Variants in MYO1D observed in about 807,000 individuals in gnomAD.
MYO1D encodes the protein myosin ID, also known as unconventional myosin-Id.
In MYO1D, 83 loss-of-function variants were observed where a neutral mutation model predicts 122.0. The observed-to-expected ratio is 0.68, with a 90% CI of 0.57 to 0.82. The LOEUF (loss-of-function observed/expected upper bound fraction) is 0.82. Ranked by LOEUF, MYO1D falls within the 40% of genes least tolerant of loss-of-function variation. The probability of loss-of-function intolerance (pLI) is 0.00; values close to 1 mark genes in which losing one functional copy is unlikely to be tolerated. For missense variants in MYO1D, 1,157 were observed against 1,269.5 expected (o/e 0.91, Z 1.35); for synonymous variants, 464 against 446.9 (o/e 1.04, Z -0.48).
chr17:32,788,649 C>G (rs2090321692), intron 1 of MYO1D, among the ~76,000 whole-genome samples: 1 of 152,162 alleles, frequency 6.6e-6, no homozygotes, highest in African/African-American at 2.4e-5. Flanking sequence ...GTTTTGGTAA[C>G]TATAGCCTTA....
chr17:32,554,008 T>C (rs1037133403), intron 21 of MYO1D, among the ~76,000 whole-genome samples: 5 of 152,204 alleles, frequency 3.3e-5, no homozygotes, highest in Admixed American at 2.0e-4. Context: ...CTGCCTCCCA[T>C]AGTTGTTATG....
At chr17:32,543,400 C>A (rs985927120) in intron 21 of MYO1D, among the ~76,000 whole-genome samples, 1 of 150,628 alleles carries the variant, frequency 6.6e-6, no homozygotes, top group Non-Finnish European at 1.5e-5. Flanking sequence ...CACGGTGAAA[C>A]CCTGTCTCTA....
At chr17:32,661,481 T>C (rs903786586) in intron 16 of MYO1D, among the ~76,000 whole-genome samples, 4 of 152,064 alleles carry the variant, frequency 2.6e-5, no homozygotes, top group Admixed American at 2.6e-4. Flanking sequence ...GGTGAAACCC[T>C]GTCTCCATCA....
At chr17:32,734,243 CTTTT>C (rs199779621) in intron 14 of MYO1D, among the ~76,000 whole-genome samples, 1 of 151,414 alleles carries the variant, frequency 6.6e-6, no homozygotes, top group Non-Finnish European at 1.5e-5. Context: ...ATTTTGATAA[CTTTT>C]TTTTTCTAGA....
At chr17:32,790,684 T>C (rs546423824) in intron 1 of MYO1D, among the ~76,000 whole-genome samples, 1 of 152,358 alleles carries the variant, frequency 6.6e-6, no homozygotes, top group African/African-American at 2.4e-5. Flanking sequence ...GACAGACTTT[T>C]CATTGCTGGA....
chr17:32,526,143 T>C (rs536201698), intron 21 of MYO1D, among the ~76,000 whole-genome samples: 1 of 151,670 alleles, frequency 6.6e-6, no homozygotes, highest in South Asian at 2.1e-4. Context: ...CTTAACACAT[T>C]GCATTGTAAT....
At chr17:32,639,819 CCCT>C (rs1333308509) in intron 19 of MYO1D, among the ~76,000 whole-genome samples, 1 of 152,058 alleles carries the variant, frequency 6.6e-6, no homozygotes, top group African/African-American at 2.4e-5. Flanking sequence ...ACTTAAAAAG[CCCT>C]CCTCAACTAG....
intron 16 of MYO1D, among the ~76,000 whole-genome samples, chr17:32,687,407 C>T (rs552537523): frequency 6.6e-6 from 1 of 152,284 alleles, no homozygotes; most frequent in East Asian, 1.9e-4. Flanking sequence ...CCATGTTAGC[C>T]AGGATGGTCT....
chr17:32,574,284 C>T (rs1419619961), intron 21 of MYO1D, among the ~76,000 whole-genome samples: 1 of 151,848 alleles, frequency 6.6e-6, no homozygotes, highest in Non-Finnish European at 1.5e-5. Context: ...AGAGAATTCA[C>T]ATACATGTGC....
chr17:32,538,473 T>TA (rs1567881660), intron 21 of MYO1D, among the ~76,000 whole-genome samples: 6 of 151,116 alleles, frequency 4.0e-5, no homozygotes, highest in East Asian at 3.9e-4. Context: ...ATTATTATTT[T>TA]TTTTTTTGTA....
chr17:32,698,156 T>A (rs2150978648), intron 16 of MYO1D, among the ~76,000 whole-genome samples: 1 of 152,316 alleles, frequency 6.6e-6, no homozygotes, highest in Non-Finnish European at 1.5e-5. Context: ...CTTAGTTAAA[T>A]AACCAGAATA....
intron 1 of MYO1D, among the ~76,000 whole-genome samples, chr17:32,784,022 TAAC>T (rs2090267046): frequency 6.6e-6 from 1 of 152,158 alleles, no homozygotes; most frequent in Non-Finnish European, 1.5e-5. Context: ...TGTACATAAA[TAAC>T]AACAATATAG....
rs116469384 is a variant in MYO1D, at chr17:32,720,680, A to C, written c.1913+343T>G. ...TATTTTACTTATTTCACAGATGCAA[A>C]AACAGGGTCATAGAAGTTAAATTTC... On this transcript the variant is annotated intron_variant, in intron 15 of 21. Coordinates refer to ENST00000318217, the MANE Select transcript of MYO1D (RefSeq NM_015194.3). Among the ~76,000 whole-genome samples, 556 of 152,272 alleles carry C rather than the reference A, an allele frequency of 3.7e-3. 3 individuals carry two copies. Among genetic ancestry groups the C allele is most frequent in the African/African-American group, 0.012 (519 of 41,562 alleles).
rs1003773904 is a variant in MYO1D, at chr17:32,845,045, GA to G, written c.95+31732del. Among the ~76,000 whole-genome samples the G allele has an allele frequency of 2.2e-3, 314 of 139,650 alleles. 1 individual carries two copies. Among genetic ancestry groups the G allele is most frequent in the Middle Eastern group, 0.015 (4 of 270 alleles). 91.6% of individuals were successfully genotyped at this position (139,650 alleles called of 152,430 possible). A position where few individuals can be genotyped will look rare whatever the true frequency, so the allele number is the denominator to read the frequency against. ...CTAAAAAGTTACACACATACCAAAG[GA>G]AAAAAAAAAAATCTGGAAGGCTACA... is the stretch of plus-strand genomic sequence containing the variant. On this transcript the variant is annotated intron_variant, in intron 1 of 21. Coordinates refer to ENST00000318217, the MANE Select transcript of MYO1D (RefSeq NM_015194.3).
chr17:32,798,286 G>A (rs2090434806), intron 1 of MYO1D, among the ~76,000 whole-genome samples: 2 of 152,174 alleles, frequency 1.3e-5, no homozygotes, highest in South Asian at 4.1e-4. Context: ...GCTCTCCTTG[G>A]CTTTCCTCGT....
At chr17:32,582,342 A>G (rs921791550) in intron 21 of MYO1D, among the ~76,000 whole-genome samples, 1 of 152,254 alleles carries the variant, frequency 6.6e-6, no homozygotes, top group African/African-American at 2.4e-5. Flanking sequence ...GCAGCATTAC[A>G]TGAATTTTGA....
chr17:32,574,772 T>C (rs749548069), intron 21 of MYO1D, among the ~76,000 whole-genome samples: 9 of 152,334 alleles, frequency 5.9e-5, no homozygotes, highest in Admixed American at 1.3e-4. Flanking sequence ...AGCATATCCC[T>C]GGTGAGCTGT....
chr17:32,647,858 C>T (rs1304436322), intron 19 of MYO1D, among the ~76,000 whole-genome samples: 1 of 152,006 alleles, frequency 6.6e-6, no homozygotes, highest in East Asian at 1.9e-4. Flanking sequence ...GCAGTCTTTC[C>T]TTGATGACAT....
chr17:32,556,467 C>A (rs1282843750), intron 21 of MYO1D, among the ~76,000 whole-genome samples: 4 of 151,970 alleles, frequency 2.6e-5, no homozygotes, highest in African/African-American at 9.7e-5. Flanking sequence ...ACAGGTCACA[C>A]AGATGATGAA....
Sources: allele counts gnomAD v4.1 joint callset (sites outside exome capture counted in the v4.1 genomes callset), GRCh38; gene constraint gnomAD v4.1.1; transcripts MANE v1.5; gene names NCBI Gene and HGNC (gene_info 2026-07-23, HGNC 2026-07-21).